Variants in RAD54L2 observed in about 807,000 individuals in gnomAD.
The protein encoded by RAD54L2 is RAD54 like 2.
Under a neutral mutation model 138.4 loss-of-function variants are expected in RAD54L2, and 27 were observed. The observed-to-expected ratio is 0.20, with a 90% CI of 0.14 to 0.27. The LOEUF (loss-of-function observed/expected upper bound fraction) is 0.27. Among genes scored for constraint, RAD54L2 ranks in the 10% least tolerant of loss-of-function variants. RAD54L2 has a pLI of 1.00. For synonymous variants in RAD54L2, 644 were observed against 723.2 expected (o/e 0.89, Z 1.76); for missense variants, 1,396 against 1,890.2 (o/e 0.74, Z 4.85).
Position 51,635,600 on chromosome 3 carries a change from G to C in RAD54L2, c.1150G>C (p.Ala384Pro), listed in dbSNP as rs145935162. 6.2e-7 allele frequency: 1 copy of C among 1,600,508 alleles called. No homozygotes were observed. The highest frequency in any genetic ancestry group is 1.3e-5 in the African/African-American group (1 of 74,466). Residue 384 changes from alanine (A) to proline (P), a missense_variant, in exon 10 of 23, where the codon GCA becomes CCA. Coordinates refer to ENST00000684192, the MANE Select transcript of RAD54L2 (RefSeq NM_015106.4). ...TCTCTGTTCATCTTGCAGGACGATG[G>C]CATCTCGTGCTAAAGTGATGGCTGA... ...HILNDEHKTMASRAKVMADWV... is the reference protein window; with the variant it reads ...HILNDEHKTMPSRAKVMADWV...
At chr3:51,543,501 G>A (rs909356958) in intron 2 of RAD54L2, among the ~76,000 whole-genome samples, 2 of 151,906 alleles carry the variant, frequency 1.3e-5, no homozygotes, top group African/African-American at 2.4e-5. Flanking sequence ...CCAGCTACTC[G>A]GGAGGCTGAG....
At chr3:51,564,362 G>A (rs1302697180) in intron 2 of RAD54L2, among the ~76,000 whole-genome samples, 1 of 151,728 alleles carries the variant, frequency 6.6e-6, no homozygotes, top group African/African-American at 2.4e-5. Context: ...TCTGCCTTAT[G>A]CAGGAAAACA....
intron 2 of RAD54L2, among the ~76,000 whole-genome samples, chr3:51,560,840 C>T (rs1699081074): frequency 6.6e-6 from 1 of 152,170 alleles, no homozygotes; most frequent in East Asian, 1.9e-4. Context: ...TCCTTCACCA[C>T]TTGATCCTCT....
intron 2 of RAD54L2, among the ~76,000 whole-genome samples, chr3:51,577,039 G>A (rs1208833126): frequency 4.6e-5 from 7 of 152,164 alleles, no homozygotes; most frequent in African/African-American, 1.7e-4. Flanking sequence ...ATTCTGGTAT[G>A]TTGTGTCTTT....
chr3:51,554,543 T>C (rs1194232697), intron 2 of RAD54L2, among the ~76,000 whole-genome samples: 1 of 151,942 alleles, frequency 6.6e-6, no homozygotes, highest in Non-Finnish European at 1.5e-5. Flanking sequence ...AATAAATAAA[T>C]AAATAAATGA....
chr3:51,583,845 C>CTTTT (rs34632307), intron 2 of RAD54L2, among the ~76,000 whole-genome samples: 8 of 139,436 alleles, frequency 5.7e-5, no homozygotes, highest in Non-Finnish European at 7.9e-5. Context: ...CTTTGAATGG[C>CTTTT]TTTTTTTTTT....
At chr3:51,556,142 G>A (rs1249603667) in intron 2 of RAD54L2, among the ~76,000 whole-genome samples, 3 of 152,002 alleles carry the variant, frequency 2.0e-5, no homozygotes, top group Admixed American at 6.6e-5. Context: ...CTACATAAAC[G>A]ATAGGACCAC....
intron 3 of RAD54L2, among the ~76,000 whole-genome samples, chr3:51,593,550 T>C (rs960855622): frequency 6.6e-6 from 1 of 152,108 alleles, no homozygotes; most frequent in African/African-American, 2.4e-5. Flanking sequence ...GCCAGAATGG[T>C]CTTGATCTCC....
intron 3 of RAD54L2, among the ~76,000 whole-genome samples, chr3:51,595,298 T>C (rs553599806): frequency 4.1e-4 from 62 of 152,018 alleles, no homozygotes; most frequent in Admixed American, 2.3e-3. Flanking sequence ...TGGGAAAGGG[T>C]AATGAGGATT....
chr3:51,645,537 C>T lies in RAD54L2; in HGVS notation c.2657-54C>T. 6.7e-7 allele frequency: 1 copy of T among 1,498,664 alleles called. No homozygotes were observed. The highest frequency in any genetic ancestry group is 9.0e-7 in the Non-Finnish European group (1 of 1,109,068). 92.8% of individuals were successfully genotyped at this position (1,498,664 alleles called of 1,614,324 possible). On this transcript the variant is annotated intron_variant, in intron 17 of 22. Coordinates refer to ENST00000684192, the MANE Select transcript of RAD54L2 (RefSeq NM_015106.4). This position sits in a 1 kb window ranked among gnomAD's most constrained non-coding sequence, Gnocchi z 6.1. ...GGGATGACTTTTCATTATTAGTGAC[C>T]TTTACAGTTTTTAATGCCATGTGCT...
At chr3:51,609,166 C>T (rs1025791163) in intron 3 of RAD54L2, among the ~76,000 whole-genome samples, 4 of 152,148 alleles carry the variant, frequency 2.6e-5, no homozygotes, top group East Asian at 1.9e-4. Flanking sequence ...TGTGAGCCAC[C>T]GCGCCCAGCC....
chr3:51,639,366 AC>A lies in RAD54L2; in HGVS notation c.1861-50del. The A allele has an allele frequency of 2.5e-6, 4 of 1,591,410 alleles. No homozygotes were observed. The South Asian group carries it at 4.5e-5, about 18-fold the overall frequency. On this transcript the variant is annotated intron_variant, in intron 12 of 22. Coordinates refer to ENST00000684192, the MANE Select transcript of RAD54L2 (RefSeq NM_015106.4). Reference sequence around the variant, plus strand: ...TATGTGTTTCCAGACTCCCTGGGACACCCTTGGAATGTTTTTTGTCCTGTGT... The same window carrying A: ...TATGTGTTTCCAGACTCCCTGGGACACCTTGGAATGTTTTTTGTCCTGTGT...
chr3:51,628,064 A>G (rs1423225301), intron 4 of RAD54L2, among the ~76,000 whole-genome samples: 3 of 151,836 alleles, frequency 2.0e-5, no homozygotes, highest in Admixed American at 6.6e-5. Context: ...TTTTTCCTCT[A>G]TTTTTCCTTT....
intron 2 of RAD54L2, among the ~76,000 whole-genome samples, chr3:51,549,652 C>T (rs2108689115): frequency 6.6e-6 from 1 of 152,056 alleles, no homozygotes; most frequent in Middle Eastern, 3.4e-3. Flanking sequence ...GTGGTACACA[C>T]CTGCAATCCT....
intron 4 of RAD54L2, 105 bp from the exon 5 acceptor site, chr3:51,629,229 C>T (rs553601228): frequency 1.2e-5 from 15 of 1,297,578 alleles, no homozygotes; most frequent in Admixed American, 4.9e-5. Context: ...CTCCTTCTCC[C>T]GCCTCGACTC....
intron 1 of RAD54L2, among the ~76,000 whole-genome samples, chr3:51,539,160 A>G (rs1427874432): frequency 6.6e-6 from 1 of 152,172 alleles, no homozygotes; most frequent in African/African-American, 2.4e-5. Context: ...AGGATTTCGT[A>G]GCCGGGGAAG....
In RAD54L2 at chr3:51,596,564, C is replaced by T. The variant is rs151013641; in HGVS notation, c.139+6005C>T. Among the ~76,000 whole-genome samples the T allele has an allele frequency of 2.0e-5, 3 of 152,236 alleles. No homozygotes were observed. The East Asian group carries it at 5.8e-4, about 29-fold the overall frequency. On this transcript the variant is annotated intron_variant, in intron 3 of 22. Coordinates refer to ENST00000684192, the MANE Select transcript of RAD54L2 (RefSeq NM_015106.4). The stretch of plus-strand genomic sequence containing the variant: ...TATGGATCCAGTTCCTAGTTTCACT[C>T]CAAAATTTCAGCTATTTTCTAGATA...
At chr3:51,560,650 C>T (rs1350111030) in intron 2 of RAD54L2, among the ~76,000 whole-genome samples, 1 of 152,134 alleles carries the variant, frequency 6.6e-6, no homozygotes, top group Non-Finnish European at 1.5e-5. Context: ...AGCCACCGTG[C>T]CTGGCCCCCC....
At chr3:51,626,434 A>ATTTTTTTTT (rs1302087610) in intron 3 of RAD54L2, among the ~76,000 whole-genome samples, 2 of 12,290 alleles carry the variant, frequency 1.6e-4, no homozygotes, top group African/African-American at 6.6e-4. Context: ...ACCCCCAACG[A>ATTTTTTTTT]TCTTTTTTTT....
Sources: allele counts gnomAD v4.1 joint callset (sites outside exome capture counted in the v4.1 genomes callset), GRCh38; gene constraint gnomAD v4.1.1; non-coding constraint Gnocchi (gnomAD v3.1); transcripts MANE v1.5; gene names NCBI Gene and HGNC (gene_info 2026-07-23, HGNC 2026-07-21).